The following GRB14 variants were observed in gnomAD, a reference collection of about 807,000 sequenced individuals.
GRB14 encodes growth factor receptor bound protein 14.
Under a neutral mutation model 69.1 loss-of-function variants are expected in GRB14, and 38 were observed. The ratio of observed to expected loss-of-function variants is 0.55; its 90% CI spans 0.42 to 0.72. GRB14 has a LOEUF of 0.72. Ranked by LOEUF, GRB14 falls within the 30% of genes least tolerant of loss-of-function variation. GRB14 has a pLI of 0.00. For synonymous variants in GRB14, 247 were observed against 241.3 expected, an observed-to-expected ratio of 1.02 and a Z score of -0.22; for missense variants, 666 against 666.1, an observed-to-expected ratio of 1.00 and a Z score of 0.00.
chr2:164,495,487 C>A (rs1165230654), intron 12 of GRB14, among the ~76,000 whole-genome samples: 1 of 152,162 alleles, frequency 6.6e-6, no homozygotes, highest in Non-Finnish European at 1.5e-5. Context: ...AAAAACAAGA[C>A]ATGGCCTCTA....
At chr2:164,525,668 A>G (rs1186657462) in intron 4 of GRB14, among the ~76,000 whole-genome samples, 1 of 152,068 alleles carries the variant, frequency 6.6e-6, no homozygotes, top group Admixed American at 6.6e-5. Context: ...CCTGGATTCT[A>G]TGTTTTTAAT....
At chr2:164,615,988 T>C (rs967095330) in intron 2 of GRB14, among the ~76,000 whole-genome samples, 6 of 152,228 alleles carry the variant, frequency 3.9e-5, no homozygotes, top group Non-Finnish European at 7.3e-5. Context: ...AAGTTCATAA[T>C]GGAAGTCACT....
intron 2 of GRB14, among the ~76,000 whole-genome samples, chr2:164,577,733 G>A (rs889022553): frequency 2.0e-4 from 30 of 152,100 alleles, no homozygotes; most frequent in African/African-American, 6.5e-4. Flanking sequence ...TGACAGACTC[G>A]TGTGTTCGTG....
intron 2 of GRB14, among the ~76,000 whole-genome samples, chr2:164,578,159 G>A (rs1689297371): frequency 6.6e-6 from 1 of 152,088 alleles, no homozygotes; most frequent in East Asian, 1.9e-4. Context: ...CTTGAACCTG[G>A]GAGGTGGCAG....
chr2:164,566,316 C>T (rs1473675044), intron 2 of GRB14, among the ~76,000 whole-genome samples: 1 of 152,048 alleles, frequency 6.6e-6, no homozygotes, highest in Non-Finnish European at 1.5e-5. Flanking sequence ...AAATAAAAGA[C>T]ATTAAGATCT....
In GRB14 at chr2:164,618,631, C is replaced by T. The variant is rs187448157; in HGVS notation, c.324+1056G>A. Among the ~76,000 whole-genome samples, 85 of 152,256 alleles carry T rather than the reference C, an allele frequency of 5.6e-4. No homozygotes were observed. In the East Asian group the frequency reaches 0.012, roughly 21 times the overall value. On this transcript the variant is annotated intron_variant, in intron 2 of 13. Transcript: ENST00000263915. ...GCCCCTCCCCCCAAAAATATATACACAGGGCTTCCATCAAACATATTTCCT... is the reference window on the plus strand; with the variant it reads ...GCCCCTCCCCCCAAAAATATATACATAGGGCTTCCATCAAACATATTTCCT...
At chr2:164,573,800 A>G (rs1689177288) in intron 2 of GRB14, 1 of 1,612,948 alleles carries the variant, frequency 6.2e-7, no homozygotes, top group Non-Finnish European at 8.5e-7. Context: ...CAGCATTAAC[A>G]TGTTGGCAGA....
At chr2:164,522,256 A>G in intron 5 of GRB14, 139 bp from the exon 6 acceptor site, 1 of 605,996 alleles carries the variant, frequency 1.7e-6, no homozygotes, top group Non-Finnish European at 2.9e-6. Context: ...GTAATTAACT[A>G]TGTGTTTGTG....
In GRB14 at chr2:164,525,017, G is replaced by A. The variant is rs771280803; in HGVS notation, c.665C>T (p.Thr222Ile). The change falls in exon 5 of 14, where the codon ACA becomes ATA. Residue 222 changes from threonine to isoleucine, a missense_variant. Coordinates refer to ENST00000263915, the MANE Select transcript of GRB14 (RefSeq NM_004490.3). ...AATATATTTTACCTGCAAAATCTGT[G>A]TGGGGGATATTTCACCATTGGTTTC... is the stretch of plus-strand genomic sequence containing the variant. Reference protein sequence around the residue: ...ATETNGEISPTQILQMFLSSS... With the variant: ...ATETNGEISPIQILQMFLSSS... 3.2e-6 allele frequency: 5 copies of A among 1,578,458 alleles called. No homozygotes were observed. Among genetic ancestry groups the A allele is most frequent in the East Asian group, 4.6e-5 (2 of 43,866 alleles).
At chr2:164,608,337 C>A (rs558162784) in intron 2 of GRB14, among the ~76,000 whole-genome samples, 3 of 151,888 alleles carry the variant, frequency 2.0e-5, no homozygotes, top group African/African-American at 7.2e-5. Flanking sequence ...ACCCACTGCA[C>A]CCCAGCCTGG....
chr2:164,551,631 T>C (rs1688540750), intron 2 of GRB14, among the ~76,000 whole-genome samples: 1 of 152,168 alleles, frequency 6.6e-6, no homozygotes, highest in South Asian at 2.1e-4. Flanking sequence ...TCCTTCTACC[T>C]GGAAGAAATT....
chr2:164,563,911 A>C (rs1468148310), intron 2 of GRB14, among the ~76,000 whole-genome samples: 1 of 152,210 alleles, frequency 6.6e-6, no homozygotes, highest in Non-Finnish European at 1.5e-5. Flanking sequence ...AACAAGATAG[A>C]GCAACTGAAA....
chr2:164,526,816 C>T (rs1208782660), intron 4 of GRB14, among the ~76,000 whole-genome samples, 198 bp downstream of exon 4: 1 of 151,820 alleles, frequency 6.6e-6, no homozygotes, highest in East Asian at 1.9e-4. Context: ...AGTTTTGCAC[C>T]TGTGTATCTG....
intron 3 of GRB14, among the ~76,000 whole-genome samples, chr2:164,534,873 T>G (rs1002902588): frequency 2.0e-5 from 3 of 152,204 alleles, no homozygotes; most frequent in African/African-American, 7.2e-5. Context: ...TTCAAAATTA[T>G]TATTTTAGAC....
chr2:164,505,815 T>C (rs1471710696), intron 8 of GRB14, among the ~76,000 whole-genome samples: 1 of 152,198 alleles, frequency 6.6e-6, no homozygotes. Flanking sequence ...GTAAGTGATA[T>C]GAAAGCATCA....
chr2:164,541,097 T>A (rs1235034660), intron 3 of GRB14, among the ~76,000 whole-genome samples: 1 of 152,180 alleles, frequency 6.6e-6, no homozygotes, highest in Non-Finnish European at 1.5e-5. Flanking sequence ...GGTCTTGAAA[T>A]TATGAATAAT....
intron 2 of GRB14, among the ~76,000 whole-genome samples, chr2:164,617,963 G>C (rs866284889): frequency 7.1e-5 from 9 of 127,584 alleles, no homozygotes; most frequent in East Asian, 2.4e-4. Context: ...TTTTTTTGGG[G>C]GGGGGGGGGT....
At chr2:164,615,302 T>G (rs961308919) in intron 2 of GRB14, among the ~76,000 whole-genome samples, 3 of 152,188 alleles carry the variant, frequency 2.0e-5, no homozygotes, top group African/African-American at 7.2e-5. Context: ...TTTGATAGAT[T>G]TCTCAGACCA....
At chr2:164,541,826 C>T (rs996759253) in intron 3 of GRB14, among the ~76,000 whole-genome samples, 1 of 152,040 alleles carries the variant, frequency 6.6e-6, no homozygotes, top group Non-Finnish European at 1.5e-5. Context: ...GAGCACAGTA[C>T]TCGACAGTTA....
Sources: gnomAD v4.1 joint callset for allele counts (sites outside exome capture counted in the v4.1 genomes callset) on GRCh38, gnomAD v4.1.1 for gene constraint, MANE v1.5 for transcripts, NCBI Gene and HGNC (gene_info 2026-07-23, HGNC 2026-07-21) for gene names.